STK3: variants seen among roughly 807,000 people sequenced by gnomAD.
STK3 encodes serine/threonine kinase 3.
Under a neutral mutation model 58.0 loss-of-function variants are expected in STK3, and 41 were observed. That is an observed-to-expected ratio of 0.71 (90% CI 0.55 to 0.92). STK3 has a LOEUF of 0.92. Among genes scored for constraint, STK3 ranks in the 40% least tolerant of loss-of-function variants. STK3 has a pLI of 0.00. For synonymous variants in STK3, 170 were observed against 191.0 expected (o/e 0.89, Z 0.91); for missense variants, 479 against 602.7 (o/e 0.79, Z 2.15).
chr8:98,348,068 C>G, the STK3 span, among the ~76,000 whole-genome samples: 3 of 152,216 alleles, frequency 2.0e-5, no homozygotes, highest in South Asian at 6.2e-4. Flanking sequence ...ACAAATAGAA[C>G]AATGGAATTG....
intron 1 of STK3, among the ~76,000 whole-genome samples, chr8:98,903,902 G>A (rs1193991480): frequency 7.9e-5 from 12 of 152,094 alleles, no homozygotes; most frequent in Non-Finnish European, 2.9e-5. Context: ...AAAGAAATAA[G>A]AAACACAATA....
intron 6 of STK3, among the ~76,000 whole-genome samples, chr8:98,693,594 A>G (rs1824585472): frequency 6.6e-6 from 1 of 152,106 alleles, no homozygotes; most frequent in South Asian, 2.1e-4. Flanking sequence ...TTGATTTCAG[A>G]CTTCTGGTTT....
intron 2 of STK3, among the ~76,000 whole-genome samples, chr8:98,434,996 G>A (rs74724839): frequency 0.017 from 2,538 of 152,320 alleles, 69 homozygotes; most frequent in African/African-American, 0.058. Context: ...TGGGGGCAAC[G>A]ATCACTGGGG....
intron 3 of STK3, chr8:98,429,349 C>T (rs1356472651): frequency 3.1e-6 from 5 of 1,614,158 alleles, no homozygotes; most frequent in Middle Eastern, 1.6e-4. Flanking sequence ...TCCCTTATGG[C>T]AAGCCTGACG....
At chr8:98,506,232 G>A (rs575398966) in intron 10 of STK3, among the ~76,000 whole-genome samples, 38 of 152,306 alleles carry the variant, frequency 2.5e-4, no homozygotes, top group Middle Eastern at 3.4e-3. Context: ...CTCCTGGTGT[G>A]CCTTCTGCTA....
At chr8:98,712,044 G>C (rs910896645) in intron 4 of STK3, among the ~76,000 whole-genome samples, 1 of 152,132 alleles carries the variant, frequency 6.6e-6, no homozygotes, top group Non-Finnish European at 1.5e-5. Context: ...AGCTTCATAA[G>C]TGAAGGAGAA....
chr8:98,693,138 T>C (rs1824534078), intron 6 of STK3, among the ~76,000 whole-genome samples: 1 of 152,128 alleles, frequency 6.6e-6, no homozygotes, highest in Admixed American at 6.5e-5. Context: ...GGCTCACACC[T>C]GTAATCCCAG....
chr8:98,767,341 G>A lies in STK3; in HGVS notation c.138C>T (p.His46=), dbSNP rs778931502. Residue 46 remains histidine (H), a synonymous_variant, in exon 3 of 11, where the codon CAC becomes CAT. Transcript: ENST00000419617. ...GSYGSVFKAI[H]KESGQVVAIK... is the part of the protein sequence containing the mutation. ...TTGCGACAACTTGACCGGATTCCTT[G>A]TGTATTGCTTTAAATACACTTCCAT... The A allele has an allele frequency of 6.2e-7, 1 of 1,609,792 alleles. No homozygotes were observed. Among genetic ancestry groups the A allele is most frequent in the Non-Finnish European group, 8.5e-7 (1 of 1,179,022 alleles).
At chr8:98,594,908 T>C (rs1815671254) in intron 7 of STK3, 1 of 152,188 alleles carries the variant, frequency 6.6e-6, no homozygotes, top group Non-Finnish European at 1.5e-5. Context: ...GATACTTCAT[T>C]ATAAGCATTA....
At chr8:98,696,363 A>T (rs1250582768) in intron 6 of STK3, among the ~76,000 whole-genome samples, 1 of 151,132 alleles carries the variant, frequency 6.6e-6, no homozygotes, top group Non-Finnish European at 1.5e-5. Context: ...TCTCCTGCCT[A>T]ATTGCCCTGG....
At chr8:98,709,397 C>G (rs1298129708) in intron 4 of STK3, among the ~76,000 whole-genome samples, 1 of 152,140 alleles carries the variant, frequency 6.6e-6, no homozygotes, top group Non-Finnish European at 1.5e-5. Context: ...TATCTTGATT[C>G]AACTTCTCAA....
upstream of STK3, among the ~76,000 whole-genome samples, chr8:98,828,147 C>T (rs1345332300): frequency 2.0e-5 from 3 of 151,766 alleles, no homozygotes; most frequent in Non-Finnish European, 4.4e-5. Flanking sequence ...GCTAATTTTT[C>T]GTGTTTTTAG....
chr8:98,905,167 T>TA, intron 1 of STK3: 1 of 1,238,740 alleles, frequency 8.1e-7, no homozygotes, highest in Non-Finnish European at 1.2e-6. Flanking sequence ...CCTTCTTTCT[T>TA]ACACTGATAG....
chr8:98,368,756 A>T (rs922830754), downstream of STK3, among the ~76,000 whole-genome samples: 1 of 152,178 alleles, frequency 6.6e-6, no homozygotes, highest in East Asian at 1.9e-4. Flanking sequence ...ATCACATCTG[A>T]TGGTGCCATC....
intron 1 of STK3, chr8:98,782,117 C>T: frequency 4.3e-6 from 1 of 233,006 alleles, no homozygotes; most frequent in African/African-American, 2.3e-5. Context: ...GGCTGGACAC[C>T]AATGAGACCA....
intron 6 of STK3, among the ~76,000 whole-genome samples, chr8:98,699,631 A>G (rs1337783257): frequency 6.6e-6 from 1 of 152,248 alleles, no homozygotes; most frequent in African/African-American, 2.4e-5. Flanking sequence ...GGTCCACTCC[A>G]GACTCGGTTT....
chr8:98,590,928 A>T (rs1279712735), intron 7 of STK3, among the ~76,000 whole-genome samples: 1 of 152,146 alleles, frequency 6.6e-6, no homozygotes, highest in Non-Finnish European at 1.5e-5. Flanking sequence ...TCTATCATAA[A>T]TGTTTTACAT....
At position 98,722,848 on chromosome 8, in the gene STK3, G is replaced by T. The variant is rs764959742; in HGVS notation, c.352-15537C>A. ...AAACACCAAGAGGGAGAAAACACATGAGAGAGGATCTGCTTCATATAGAAG... is the reference window on the plus strand; with the variant it reads ...AAACACCAAGAGGGAGAAAACACATTAGAGAGGATCTGCTTCATATAGAAG... On this transcript the variant is annotated intron_variant, in intron 4 of 10. Coordinates refer to ENST00000419617, the MANE Select transcript of STK3 (RefSeq NM_006281.4). The T allele has an allele frequency of 1.0e-5, 5 of 491,752 alleles. No homozygotes were observed. In the East Asian group the frequency reaches 1.7e-4, roughly 17 times the overall value. 30.5% of individuals were successfully genotyped at this position (491,752 alleles called of 1,614,324 possible). A position where few individuals can be genotyped will look rare whatever the true frequency, so the allele number is the denominator to read the frequency against.
At chr8:98,879,120 G>A (rs1215943138), downstream of STK3, 2 of 152,004 alleles carry the variant, frequency 1.3e-5, no homozygotes, top group Non-Finnish European at 1.5e-5. Context: ...GGATATTGAA[G>A]TCCCTAATAT....
Sources: allele counts gnomAD v4.1 joint callset (sites outside exome capture counted in the v4.1 genomes callset), GRCh38; gene constraint gnomAD v4.1.1; transcripts MANE v1.5; gene names NCBI Gene and HGNC (gene_info 2026-07-23, HGNC 2026-07-21).